Variants in PTPN3 observed in about 807,000 individuals in gnomAD.
The protein encoded by PTPN3 is protein tyrosine phosphatase non-receptor type 3.
In PTPN3, 96 loss-of-function variants were observed where a neutral mutation model predicts 132.7. That is an observed-to-expected ratio of 0.72 (90% CI 0.61 to 0.86). The LOEUF (loss-of-function observed/expected upper bound fraction) is 0.86, where lower values mean the gene tolerates loss of function less well. Ranked by LOEUF, PTPN3 falls within the 40% of genes least tolerant of loss-of-function variation. The pLI is 0.00. For synonymous variants in PTPN3, 398 were observed against 429.0 expected (o/e 0.93, Z 0.89); for missense variants, 1,125 against 1,159.6 (o/e 0.97, Z 0.43).
chr9:109,523,499 G>A, the PTPN3 span, among the ~76,000 whole-genome samples: 118 of 152,332 alleles, frequency 7.7e-4, no homozygotes, highest in African/African-American at 2.7e-3. Context: ...CGTCTTCAGA[G>A]TCTGACCTCC....
intron 22 of PTPN3, among the ~76,000 whole-genome samples, chr9:109,387,421 A>G (rs1437649513): frequency 3.3e-5 from 5 of 152,178 alleles, no homozygotes; most frequent in African/African-American, 1.2e-4. Flanking sequence ...CTGTCACCTC[A>G]CATGATCCTC....
At chr9:109,520,299 G>A in the PTPN3 span, among the ~76,000 whole-genome samples, 30 of 152,252 alleles carry the variant, frequency 2.0e-4, no homozygotes, top group South Asian at 5.4e-3. Context: ...AAGAAAGACA[G>A]CACACAGCTC....
At chr9:109,480,852 G>C (rs1259930552) in intron 1 of PTPN3, among the ~76,000 whole-genome samples, 30 of 152,186 alleles carry the variant, frequency 2.0e-4, no homozygotes. Flanking sequence ...AGCCTGCCCA[G>C]TGGCTGGTAC....
chr9:109,408,013 C>T (rs1841709686), intron 17 of PTPN3, among the ~76,000 whole-genome samples: 1 of 152,200 alleles, frequency 6.6e-6, no homozygotes, highest in Non-Finnish European at 1.5e-5. Flanking sequence ...GTTTCCTTCT[C>T]TTGAAAAGGA....
chr9:109,528,366 T>C, the PTPN3 span, among the ~76,000 whole-genome samples: 1 of 152,174 alleles, frequency 6.6e-6, no homozygotes, highest in Non-Finnish European at 1.5e-5. Context: ...ATATAAACTG[T>C]GTTATGTTCA....
the PTPN3 span, among the ~76,000 whole-genome samples, chr9:109,509,019 C>A: frequency 6.6e-6 from 1 of 152,012 alleles, no homozygotes; most frequent in Non-Finnish European, 1.5e-5. Context: ...CATAGTGAGA[C>A]CCCATCTCTA....
chr9:109,458,721 C>T (rs1845685118), intron 2 of PTPN3, among the ~76,000 whole-genome samples: 1 of 152,132 alleles, frequency 6.6e-6, no homozygotes, highest in African/African-American at 2.4e-5. Context: ...AGGGCACCAT[C>T]CATCAGAAAA....
chr9:109,474,255 C>T (rs1846528131), intron 1 of PTPN3, among the ~76,000 whole-genome samples: 1 of 152,154 alleles, frequency 6.6e-6, no homozygotes, highest in Admixed American at 6.5e-5. Context: ...GACAAGCTGT[C>T]CCCACGACAG....
At chr9:109,420,381 C>T in intron 14 of PTPN3, 43 bp downstream of exon 14, 3 of 1,541,074 alleles carry the variant, frequency 1.9e-6, no homozygotes, top group African/African-American at 1.4e-5. Context: ...CCGCAACAGC[C>T]AAAAAGCAAA....
intron 14 of PTPN3, among the ~76,000 whole-genome samples, chr9:109,415,909 T>A (rs981183055): frequency 1.3e-5 from 2 of 152,094 alleles, no homozygotes; most frequent in Non-Finnish European, 2.9e-5. Context: ...CTGAGAGACA[T>A]CTACACGCAA....
chr9:109,449,583 T>C, intron 5 of PTPN3: 1 of 985,436 alleles, frequency 1.0e-6, no homozygotes, highest in African/African-American at 1.7e-5. Context: ...AAGGAGGCCT[T>C]CGGCAGCATT....
At chr9:109,534,079 G>GT in the PTPN3 span, 1,376 of 774,170 alleles carry the variant, frequency 1.8e-3, 16 homozygotes, top group Non-Finnish European at 1.2e-3. Flanking sequence ...GGGTACAAAT[G>GT]TATCTTCCTT....
rs189480506 is a variant in PTPN3, at chr9:109,494,642, C to T, written c.-18+3577G>A. 2.2e-3 allele frequency among the ~76,000 whole-genome samples: 340 copies of T among 152,274 alleles called. 1 individual carries two copies. The highest frequency in any genetic ancestry group is 3.4e-3 in the Middle Eastern group (1 of 294). On this transcript the variant is annotated intron_variant, in intron 1 of 25. Transcript: ENST00000374541. Reference sequence around the variant, plus strand: ...CTACGCTCCACAGTGTCTCCTGATGCCCATCGGAATGAATGGCTGCATCCT... The same window carrying T: ...CTACGCTCCACAGTGTCTCCTGATGTCCATCGGAATGAATGGCTGCATCCT...
chr9:109,397,323 G>T (rs572285559), intron 19 of PTPN3, among the ~76,000 whole-genome samples: 33 of 152,348 alleles, frequency 2.2e-4, no homozygotes, highest in Non-Finnish European at 4.1e-4. Context: ...ATAAAAATTT[G>T]TAGAGTCAAG....
At chr9:109,400,295 A>G (rs1840980006) in intron 19 of PTPN3, among the ~76,000 whole-genome samples, 2 of 152,232 alleles carry the variant, frequency 1.3e-5, no homozygotes, top group East Asian at 3.8e-4. Context: ...TTATTTATAA[A>G]TAATAACAGC....
intron 1 of PTPN3, among the ~76,000 whole-genome samples, chr9:109,469,546 G>A (rs921386073): frequency 6.6e-6 from 1 of 152,168 alleles, no homozygotes; most frequent in Non-Finnish European, 1.5e-5. Context: ...TCGAACCCGG[G>A]AAGCAGAGAT....
upstream of PTPN3, among the ~76,000 whole-genome samples, chr9:109,498,524 C>G (rs1467472436): frequency 6.6e-6 from 1 of 152,154 alleles, no homozygotes; most frequent in African/African-American, 2.4e-5. The surrounding 1 kb of genome is among the most constrained non-coding windows in gnomAD (Gnocchi z 4.2). Context: ...TGCAGCCATT[C>G]GTTCCACAGC....
At chr9:109,410,608 T>A (rs1242508101) in intron 14 of PTPN3, among the ~76,000 whole-genome samples, 193 bp from the exon 15 acceptor site, 1 of 152,124 alleles carries the variant, frequency 6.6e-6, no homozygotes, top group Non-Finnish European at 1.5e-5. Context: ...CTAGACACTG[T>A]CACATGGTTT....
At chr9:109,525,247 G>T in the PTPN3 span, among the ~76,000 whole-genome samples, 4 of 152,154 alleles carry the variant, frequency 2.6e-5, no homozygotes, top group African/African-American at 7.2e-5. Context: ...TTGTAGAAAT[G>T]GGGTTTCACA....
Sources: allele counts gnomAD v4.1 joint callset (sites outside exome capture counted in the v4.1 genomes callset), GRCh38; gene constraint gnomAD v4.1.1; non-coding constraint Gnocchi (gnomAD v3.1); transcripts MANE v1.5; gene names NCBI Gene and HGNC (gene_info 2026-07-23, HGNC 2026-07-21).